MCTP1: variants seen among roughly 807,000 people sequenced by gnomAD.
The protein encoded by MCTP1 is multiple C2 and transmembrane domain containing 1, also known as multiple C2 and transmembrane domain-containing protein 1.
Under a neutral mutation model 120.6 loss-of-function variants are expected in MCTP1, and 69 were observed. That is an observed-to-expected ratio of 0.57 (90% CI 0.47 to 0.70). The LOEUF is 0.70. Among genes scored for constraint, MCTP1 ranks in the 30% least tolerant of loss-of-function variants. MCTP1 has a pLI of 0.00. For synonymous variants in MCTP1, 529 were observed against 493.1 expected (o/e 1.07, Z -0.96); for missense variants, 1,203 against 1,248.8 (o/e 0.96, Z 0.55).
intron 21 of MCTP1, chr5:94,709,636 G>T (rs972031403): frequency 1.3e-5 from 2 of 152,062 alleles, no homozygotes; most frequent in Non-Finnish European, 2.9e-5. Flanking sequence ...AGGAAGAAAT[G>T]AAAGATGAAC....
chr5:94,774,133 G>A (rs1413881401), intron 19 of MCTP1, among the ~76,000 whole-genome samples: 1 of 60,910 alleles, frequency 1.6e-5, no homozygotes, highest in African/African-American at 8.0e-5. Context: ...GCGTGAACCC[G>A]GGAGGCGGAG....
intron 1 of MCTP1, among the ~76,000 whole-genome samples, chr5:95,035,498 A>G (rs753396166): frequency 2.2e-4 from 34 of 152,106 alleles, no homozygotes; most frequent in Non-Finnish European, 4.1e-4. Flanking sequence ...GTTCTCACTT[A>G]TAAGTGGGAG....
chr5:94,895,374 C>A (rs1392105127), intron 10 of MCTP1, among the ~76,000 whole-genome samples: 1 of 152,090 alleles, frequency 6.6e-6, no homozygotes, highest in African/African-American at 2.4e-5. Context: ...ACATATAAAT[C>A]TCCTGAAAAC....
intron 19 of MCTP1, among the ~76,000 whole-genome samples, chr5:94,721,459 C>T (rs2152635325): frequency 1.3e-5 from 2 of 152,196 alleles, no homozygotes; most frequent in South Asian, 2.1e-4. Context: ...CCACCCAGTC[C>T]ACCGCCACTC....
At chr5:94,782,239 GAAATT>G (rs1007428002) in intron 18 of MCTP1, among the ~76,000 whole-genome samples, 13 of 152,052 alleles carry the variant, frequency 8.5e-5, no homozygotes, top group Non-Finnish European at 1.3e-4. Context: ...TTCATTTTTG[GAAATT>G]AAATAATATA....
intron 1 of MCTP1, among the ~76,000 whole-genome samples, chr5:95,263,422 C>T (rs1758633910): frequency 6.6e-6 from 1 of 152,154 alleles, no homozygotes; most frequent in Admixed American, 6.5e-5. Flanking sequence ...CCTCTTGTCA[C>T]CTCCCCCATA....
intron 19 of MCTP1, among the ~76,000 whole-genome samples, chr5:94,739,888 G>C (rs947422325): frequency 6.6e-5 from 10 of 152,116 alleles, no homozygotes; most frequent in Admixed American, 6.5e-4. Context: ...GGCTGATCTC[G>C]AACTCCTGAC....
At chr5:95,157,979 G>A (rs1745314557) in intron 1 of MCTP1, among the ~76,000 whole-genome samples, 1 of 152,144 alleles carries the variant, frequency 6.6e-6, no homozygotes, top group South Asian at 2.1e-4. Flanking sequence ...CCCTGTTGTA[G>A]TTCATTAAAA....
At chr5:94,716,753 AG>A (rs766773973) in intron 19 of MCTP1, among the ~76,000 whole-genome samples, 37 of 144,518 alleles carry the variant, frequency 2.6e-4, no homozygotes, top group Admixed American at 6.8e-4. Flanking sequence ...ATATATAAAA[AG>A]TTTTTTTTTT....
rs149455367 is a variant in MCTP1, at chr5:95,177,034, TGAGA to T, written c.720+106818_720+106821del. On this transcript the variant is annotated intron_variant, in intron 1 of 22. Coordinates refer to ENST00000515393, the MANE Select transcript of MCTP1 (RefSeq NM_024717.7). ...CGCCCGCCACCATGCCCAGCTAATT[TGAGA>T]GAGAGAGAGAGACATGAAATACACA... Among the ~76,000 whole-genome samples, 5 of 149,432 alleles carry T rather than the reference TGAGA, an allele frequency of 3.3e-5. No individual in the cohort carries two copies. The East Asian group carries it at 7.8e-4, about 23-fold the overall frequency.
intron 1 of MCTP1, among the ~76,000 whole-genome samples, chr5:95,026,312 C>A (rs898648288): frequency 2.6e-5 from 4 of 152,042 alleles, no homozygotes; most frequent in African/African-American, 9.7e-5. Context: ...AATTATATAC[C>A]TTTAGTACTT....
intron 17 of MCTP1, among the ~76,000 whole-genome samples, chr5:94,810,135 CTT>C (rs1057202937): frequency 2.0e-5 from 3 of 151,850 alleles, no homozygotes; most frequent in African/African-American, 7.3e-5. Context: ...TCACTGTGAT[CTT>C]TTATTTAAGT....
chr5:95,176,649 A>G (rs1210847331), intron 1 of MCTP1, among the ~76,000 whole-genome samples: 3 of 152,148 alleles, frequency 2.0e-5, no homozygotes, highest in Admixed American at 2.0e-4. Context: ...GGAGTTTGAG[A>G]CCAGCCTGGC....
rs113505200 is a variant in MCTP1 at position 94,875,531 on chromosome 5, T to C, written c.1934-2290A>G. ...AGGAGTGACATGCTCTGATGGCTGC[T>C]ATTTGGAAAATAAGGTAGAGAAAGG... On this transcript the variant is annotated intron_variant, in intron 12 of 22. Coordinates refer to ENST00000515393, the MANE Select transcript of MCTP1 (RefSeq NM_024717.7). 4.0e-3 allele frequency among the ~76,000 whole-genome samples: 615 copies of C among 152,168 alleles called. 3 individuals carry two copies. Among genetic ancestry groups the C allele is most frequent in the African/African-American group, 0.014 (574 of 41,532 alleles).
At chr5:95,188,659 T>C (rs533661509) in intron 1 of MCTP1, among the ~76,000 whole-genome samples, 4 of 152,148 alleles carry the variant, frequency 2.6e-5, no homozygotes, top group Non-Finnish European at 5.9e-5. Context: ...ATGGAGAATA[T>C]ATTACTCATT....
chr5:95,246,833 G>T (rs1756845737), intron 1 of MCTP1, among the ~76,000 whole-genome samples: 1 of 152,168 alleles, frequency 6.6e-6, no homozygotes, highest in Admixed American at 6.5e-5. Flanking sequence ...GTTCATCAGG[G>T]ATATTGGCCT....
chr5:95,017,231 A>T, intron 2 of MCTP1, 136 bp downstream of exon 2: 1 of 536,370 alleles, frequency 1.9e-6, no homozygotes, highest in East Asian at 3.2e-5. Flanking sequence ...TAATGTGTCA[A>T]ACTGTGTCTT....
intron 1 of MCTP1, among the ~76,000 whole-genome samples, chr5:95,031,431 G>C (rs1840268096): frequency 6.6e-6 from 1 of 152,148 alleles, no homozygotes; most frequent in Admixed American, 6.6e-5. Flanking sequence ...AACTAACAGT[G>C]GACTTCTCAG....
chr5:94,917,802 AGGGAGTG>A, intron 8 of MCTP1, 87 bp downstream of exon 8: 1 of 876,156 alleles, frequency 1.1e-6, no homozygotes, highest in Non-Finnish European at 1.9e-6. Flanking sequence ...AGGTTAGTAT[AGGGAGTG>A]GGTTTTCAGT....
Sources: gnomAD v4.1 joint callset for allele counts (sites outside exome capture counted in the v4.1 genomes callset) on GRCh38, gnomAD v4.1.1 for gene constraint, MANE v1.5 for transcripts, NCBI Gene and HGNC (gene_info 2026-07-23, HGNC 2026-07-21) for gene names.